DLG2: variants seen among roughly 807,000 people sequenced by gnomAD.
The protein encoded by DLG2 is discs large MAGUK scaffold protein 2.
A neutral mutation model predicts 132.5 loss-of-function variants in DLG2; 45 were observed. The observed-to-expected ratio is 0.34, with a 90% CI of 0.27 to 0.44. DLG2 has a LOEUF of 0.44. Ranked by LOEUF, DLG2 falls within the 20% of genes least tolerant of loss-of-function variation. DLG2 has a pLI of 1.00. For synonymous variants in DLG2, 424 were observed against 419.6 expected (o/e 1.01, Z -0.13); for missense variants, 1,045 against 1,196.9 (o/e 0.87, Z 1.87).
At chr11:84,850,257 G>A (rs2154021397) in intron 6 of DLG2, among the ~76,000 whole-genome samples, 1 of 152,166 alleles carries the variant, frequency 6.6e-6, no homozygotes, top group African/African-American at 2.4e-5. Context: ...AATTTGCTAT[G>A]CAACATCTTA....
chr11:84,512,421 A>G (rs1374040774), intron 7 of DLG2, among the ~76,000 whole-genome samples: 1 of 152,188 alleles, frequency 6.6e-6, no homozygotes, highest in Non-Finnish European at 1.5e-5. Flanking sequence ...AAAGGCTACT[A>G]TAACTCTGTC....
At chr11:83,955,108 A>G (rs1195227671) in intron 14 of DLG2, among the ~76,000 whole-genome samples, 3 of 152,248 alleles carry the variant, frequency 2.0e-5, no homozygotes, top group African/African-American at 7.2e-5. Context: ...ATAACAGCTA[A>G]CAATTATCAG....
chr11:83,742,851 T>A (rs2092633236), intron 18 of DLG2, among the ~76,000 whole-genome samples: 1 of 152,166 alleles, frequency 6.6e-6, no homozygotes, highest in Non-Finnish European at 1.5e-5. Context: ...ATAAAATTCA[T>A]TCAATTAAAT....
At position 84,749,541 on chromosome 11, in the gene DLG2, G is replaced by C. The variant is rs559321933; in HGVS notation, c.358-214810C>G. On this transcript the variant is annotated intron_variant, in intron 6 of 27. Transcript: ENST00000376104. Reference sequence around the variant, plus strand: ...TGCAGTATAGTAACATGCTGCACAGGTTTGCAGTCAAGGAGCAGTGGGTCA... The same window carrying C: ...TGCAGTATAGTAACATGCTGCACAGCTTTGCAGTCAAGGAGCAGTGGGTCA... Among the ~76,000 whole-genome samples the C allele has an allele frequency of 4.6e-5, 7 of 152,216 alleles. No individual in the cohort carries two copies. In the East Asian group the frequency reaches 1.4e-3, roughly 29 times the overall value.
intron 6 of DLG2, among the ~76,000 whole-genome samples, chr11:85,109,122 G>A (rs1242791917): frequency 1.3e-5 from 2 of 152,110 alleles, no homozygotes; most frequent in South Asian, 2.1e-4. Flanking sequence ...AGTCAGTCCT[G>A]GCCAAGGGCA....
chr11:85,420,880 C>T (rs962155479), intron 3 of DLG2, among the ~76,000 whole-genome samples: 5 of 152,326 alleles, frequency 3.3e-5, no homozygotes, highest in Non-Finnish European at 7.4e-5. Flanking sequence ...GCTCCCTGGC[C>T]GCAGGATCCA....
intron 3 of DLG2, among the ~76,000 whole-genome samples, chr11:85,414,646 C>T (rs1038571944): frequency 4.6e-5 from 7 of 151,878 alleles, no homozygotes; most frequent in Non-Finnish European, 1.0e-4. Context: ...TACATTGTTT[C>T]TTTGTTGACT....
chr11:84,890,457 G>A (rs538141520), intron 6 of DLG2, among the ~76,000 whole-genome samples: 1 of 152,280 alleles, frequency 6.6e-6, no homozygotes, highest in South Asian at 2.1e-4. Flanking sequence ...GTTTGAATAA[G>A]AAAGTTGCAT....
At chr11:84,255,268 G>T (rs777075777) in intron 7 of DLG2, among the ~76,000 whole-genome samples, 3 of 152,050 alleles carry the variant, frequency 2.0e-5, no homozygotes, top group Non-Finnish European at 4.4e-5. Context: ...TGCTTTGATA[G>T]TTCCCACCAA....
intron 7 of DLG2, among the ~76,000 whole-genome samples, chr11:84,431,875 G>A (rs1027518400): frequency 6.6e-6 from 1 of 152,016 alleles, no homozygotes; most frequent in African/African-American, 2.4e-5. Context: ...TTCATGATGT[G>A]TTATGGTTTC....
chr11:83,669,297 A>T (rs1292266270), intron 18 of DLG2, among the ~76,000 whole-genome samples: 2 of 152,180 alleles, frequency 1.3e-5, no homozygotes, highest in African/African-American at 4.8e-5. Context: ...TCAATTCAGA[A>T]GGCCACATAT....
At position 84,844,135 on chromosome 11, in the gene DLG2, GTATATATATATATATATATATA is replaced by G. The variant is rs74200849; in HGVS notation, c.357+267504_357+267525del. Among the ~76,000 whole-genome samples the G allele has an allele frequency of 1.4e-4, 6 of 43,694 alleles. No individual in the cohort carries two copies. The East Asian group carries it at 2.5e-3, about 18-fold the overall frequency. The allele number at this position is 43,694 out of a possible 152,430, so 28.7% of individuals were successfully genotyped here. ...TGTGTGTGTGTGTGTGTGTGTGTGT[GTATATATATATATATATATATA>G]TATATATATATATATGTATCTCCCC... On this transcript the variant is annotated intron_variant, in intron 6 of 27. Transcript: ENST00000376104.
chr11:85,397,722 G>A (rs892275226), intron 3 of DLG2, among the ~76,000 whole-genome samples: 2 of 152,110 alleles, frequency 1.3e-5, no homozygotes, highest in African/African-American at 4.8e-5. Flanking sequence ...TCAGCAAGAG[G>A]AGTTAACATC....
intron 3 of DLG2, among the ~76,000 whole-genome samples, chr11:85,292,475 G>A (rs534604): frequency 0.8 from 120,547 of 151,056 alleles, 48,663 homozygotes; most frequent in Middle Eastern, 0.88. Context: ...TGCAAAACCC[G>A]GAGTCCAAGG....
chr11:83,699,590 G>C (rs1415667785), intron 18 of DLG2, among the ~76,000 whole-genome samples: 1 of 150,290 alleles, frequency 6.7e-6, no homozygotes, highest in African/African-American at 2.4e-5. Context: ...GGTGCCTGCA[G>C]TCCCAGTTAC....
intron 7 of DLG2, among the ~76,000 whole-genome samples, chr11:84,397,220 C>T (rs949093157): frequency 4.6e-5 from 7 of 152,080 alleles, no homozygotes; most frequent in African/African-American, 1.7e-4. Context: ...ACTACAAAGC[C>T]CTTGCTTCCA....
chr11:85,174,237 T>A (rs1368626144), intron 4 of DLG2, among the ~76,000 whole-genome samples: 2 of 152,130 alleles, frequency 1.3e-5, no homozygotes, highest in African/African-American at 4.8e-5. Flanking sequence ...CACCCTTCAG[T>A]AAATGCCTAA....
intron 8 of DLG2, among the ~76,000 whole-genome samples, chr11:84,195,006 G>A (rs1597170899): frequency 6.6e-6 from 1 of 152,310 alleles, no homozygotes; most frequent in East Asian, 1.9e-4. Flanking sequence ...GATGGCTCCT[G>A]CCTCGGCCAG....
At chr11:84,372,216 A>G (rs2098709486) in intron 7 of DLG2, among the ~76,000 whole-genome samples, 1 of 152,210 alleles carries the variant, frequency 6.6e-6, no homozygotes. Flanking sequence ...AAATTCAGAA[A>G]GCATCTGAAG....
Sources: gnomAD v4.1 joint callset for allele counts (sites outside exome capture counted in the v4.1 genomes callset) on GRCh38, gnomAD v4.1.1 for gene constraint, MANE v1.5 for transcripts, NCBI Gene and HGNC (gene_info 2026-07-23, HGNC 2026-07-21) for gene names.